The following HMCN2 variants were observed in gnomAD, a reference collection of about 807,000 sequenced individuals.
HMCN2 encodes hemicentin 2.
Under a neutral mutation model 377.5 loss-of-function variants are expected in HMCN2, and 325 were observed. The ratio of observed to expected loss-of-function variants is 0.86; its 90% CI spans 0.79 to 0.94. The LOEUF (loss-of-function observed/expected upper bound fraction) is 0.94. HMCN2 is among the 40% of genes least tolerant of loss of function. The pLI, the probability that HMCN2 is intolerant of heterozygous loss-of-function variation, is 0.00. For synonymous variants in HMCN2, 2,007 were observed against 2,046.8 expected, an observed-to-expected ratio of 0.98 and a Z score of 0.53; for missense variants, 4,543 against 4,725.3, an observed-to-expected ratio of 0.96 and a Z score of 1.13.
intron 1 of HMCN2, among the ~76,000 whole-genome samples, chr9:130,277,907 TCACCAC>T (rs1834836173): frequency 4.1e-5 from 1 of 24,268 alleles, no homozygotes; most frequent in Non-Finnish European, 6.8e-5. Context: ...ACCATCATCA[TCACCAC>T]CACCACCATC....
rs1049958965 is a variant in HMCN2, at chr9:130,368,258, C to A, written c.6626-18C>A. The A allele has an allele frequency of 6.1e-6, 6 of 985,402 alleles. No individual in the cohort carries two copies. The highest frequency in any genetic ancestry group is 5.2e-4 in the Middle Eastern group (1 of 1,936). 61.0% of individuals were successfully genotyped at this position (985,402 alleles called of 1,614,324 possible). A position where few individuals can be genotyped will look rare whatever the true frequency, so the allele number is the denominator to read the frequency against. Reference sequence around the variant, plus strand: ...TGCAAATGCCCTGGACCAGGAGTTTCTTTTTTCCTGCACCCAGGTCAACCC... The same window carrying A: ...TGCAAATGCCCTGGACCAGGAGTTTATTTTTTCCTGCACCCAGGTCAACCC... On this transcript the variant is annotated intron_variant, in intron 43 of 97. Coordinates refer to ENST00000683500, the MANE Select transcript of HMCN2 (RefSeq NM_001291815.2).
In HMCN2 at chr9:130,382,795, T is replaced by C. The variant is rs1362549618; in HGVS notation, c.8662T>C (p.Trp2888Arg). ...GGGAAACCCCGTGCCCACCATCTCA[T>C]GGCTCCAGAATGGGCTGCCTTTCTC... ...ALGNPVPTIS[W>R]LQNGLPFSPS... Residue 2888 changes from tryptophan to arginine, a missense_variant, in exon 56 of 98, where the codon TGG (tryptophan) becomes CGG (arginine). This residue lies in a region of HMCN2 where 736 missense variants were observed against 773.2 expected (regional missense o/e 0.95). Transcript: ENST00000683500. 4 of 985,776 alleles carry C rather than the reference T, an allele frequency of 4.1e-6. No homozygotes were observed. Among genetic ancestry groups the C allele is most frequent in the Admixed American group, 6.1e-5 (1 of 16,270 alleles). The allele number at this position is 985,776 out of a possible 1,614,324, so 61.1% of individuals were successfully genotyped here. A position where few individuals can be genotyped will look rare whatever the true frequency, so the allele number is the denominator to read the frequency against.
At chr9:130,329,101 A>G (rs948771950) in intron 22 of HMCN2, among the ~76,000 whole-genome samples, 1 of 152,208 alleles carries the variant, frequency 6.6e-6, no homozygotes, top group Admixed American at 6.5e-5. Context: ...ATTTTAGAAC[A>G]TGTTCATCAC....
rs1009945633 is a variant in HMCN2, at chr9:130,271,871, C to A, written c.259+5734C>A. On this transcript the variant is annotated intron_variant, in intron 1 of 97. Coordinates refer to ENST00000683500, the MANE Select transcript of HMCN2 (RefSeq NM_001291815.2). Reference sequence around the variant, plus strand: ...ATCTATACATAGTTTTATATGTAATCATCCGTGTCTATATTAAGCTAAACA... The same window carrying A: ...ATCTATACATAGTTTTATATGTAATAATCCGTGTCTATATTAAGCTAAACA... Among the ~76,000 whole-genome samples the A allele has an allele frequency of 8.7e-5, 13 of 149,456 alleles. 2 individuals are homozygous for A. Among genetic ancestry groups the A allele is most frequent in the Middle Eastern group, 3.5e-3 (1 of 284 alleles).
intron 1 of HMCN2, among the ~76,000 whole-genome samples, chr9:130,280,139 T>C (rs1296195991): frequency 8.6e-6 from 1 of 116,210 alleles, no homozygotes; most frequent in Non-Finnish European, 1.7e-5. Context: ...TCCATAGCTG[T>C]GTGTGTGTGT....
intron 55 of HMCN2, 31 bp from the exon 56 acceptor site, chr9:130,382,647 CA>C: frequency 1.1e-6 from 1 of 871,118 alleles, no homozygotes; most frequent in Non-Finnish European, 1.4e-6. Context: ...GGACCTGTGC[CA>C]GCCCCTCAGC....
intron 73 of HMCN2, 48 bp downstream of exon 73, chr9:130,396,361 T>C (rs760205299): frequency 8.1e-7 from 1 of 1,233,262 alleles, no homozygotes; most frequent in South Asian, 1.3e-5. Flanking sequence ...AGGTGCCACT[T>C]TGTGGGTTGC....
At chr9:130,405,579 C>T (rs1036554623) in intron 81 of HMCN2, among the ~76,000 whole-genome samples, 5 of 152,168 alleles carry the variant, frequency 3.3e-5, no homozygotes, top group South Asian at 2.1e-4. Context: ...GTGAGCGCAC[C>T]GGCCCTGCTT....
rs1021549313 is a variant in HMCN2 at position 130,428,086 on chromosome 9, C to T, written c.14066-272C>T. 1.3e-5 allele frequency among the ~76,000 whole-genome samples: 2 copies of T among 152,226 alleles called. No homozygotes were observed. Among genetic ancestry groups the T allele is most frequent in the Non-Finnish European group, 2.9e-5 (2 of 68,040 alleles). On this transcript the variant is annotated intron_variant, in intron 92 of 97. Transcript: ENST00000683500. The surrounding 1 kb of genome is among the most constrained non-coding windows in gnomAD (Gnocchi z 5.0). ...AGGGCCTGGTGCTGCCAAGTCTCCG[C>T]TGGGCTCCAAGCCGGGTGCCCAAGG...
rs782141766 is a variant in HMCN2 at position 130,286,286 on chromosome 9, C to T, written c.588C>T (p.His196=). ...CCACCAGCTCTGGGCAGGTGTTCCA[C>T]CTGGACAAGCAGCAAGTGACAGAGG... ...IAATSSGQVF[H]LDKQQVTEVL... The change falls in exon 4 of 98, where the codon CAC becomes CAT. Residue 196 remains histidine, a synonymous_variant. Coordinates refer to ENST00000683500, the MANE Select transcript of HMCN2 (RefSeq NM_001291815.2). 3 of 471,066 alleles carry T rather than the reference C, an allele frequency of 6.4e-6. No homozygotes were observed. The highest frequency in any genetic ancestry group is 4.6e-5 in the South Asian group (3 of 64,562). The allele number at this position is 471,066 out of a possible 1,614,324, so 29.2% of individuals were successfully genotyped here. A position where few individuals can be genotyped will look rare whatever the true frequency, so the allele number is the denominator to read the frequency against.
At chr9:130,343,205 A>C (rs1428644663) in intron 25 of HMCN2, among the ~76,000 whole-genome samples, 1 of 151,980 alleles carries the variant, frequency 6.6e-6, no homozygotes, top group Non-Finnish European at 1.5e-5. Flanking sequence ...CCACTGCCTC[A>C]GTTGCTTCTT....
At chr9:130,372,272 G>T (rs1192223619) in intron 46 of HMCN2, 22 bp from the exon 47 acceptor site, 4 of 947,842 alleles carry the variant, frequency 4.2e-6, no homozygotes, top group Non-Finnish European at 5.0e-6. Flanking sequence ...CATGCTTGGG[G>T]CCCACGCCCC....
rs1837041763 is a variant in HMCN2, at chr9:130,308,743, T to A, written c.2201-1169T>A. 6.6e-6 allele frequency among the ~76,000 whole-genome samples: 1 copy of A among 152,208 alleles called. No homozygotes were observed. Among genetic ancestry groups the A allele is most frequent in the Non-Finnish European group, 1.5e-5 (1 of 68,024 alleles). On this transcript the variant is annotated intron_variant, in intron 14 of 97. Coordinates refer to ENST00000683500, the MANE Select transcript of HMCN2 (RefSeq NM_001291815.2). The surrounding 1 kb of genome is among the most constrained non-coding windows in gnomAD (Gnocchi z 4.1). ...CCCACTTTAAAAGGTGGCCTTGCCA[T>A]GAAATATTCTTCCATCTTCAGAAGG...
intron 93 of HMCN2, chr9:130,429,134 CTTCCTGCCGCCT>C (rs1441262061): frequency 4.7e-5 from 9 of 189,656 alleles, no homozygotes; most frequent in East Asian, 1.6e-4. Context: ...GCCTGCCGCC[CTTCCTGCCGCCT>C]TTCCTCCTTT....
intron 4 of HMCN2, among the ~76,000 whole-genome samples, chr9:130,289,268 G>A (rs1554929126): frequency 6.6e-6 from 1 of 152,172 alleles, no homozygotes; most frequent in Non-Finnish European, 1.5e-5. Context: ...GGCACAAAGG[G>A]TGAATTGCCT....
chr9:130,427,309 G>C lies in HMCN2; in HGVS notation c.13880-4G>C, dbSNP rs895981441. On this transcript the variant is annotated splice_region_variant and splice_polypyrimidine_tract_variant and intron_variant, in intron 90 of 97. Coordinates refer to ENST00000683500, the MANE Select transcript of HMCN2 (RefSeq NM_001291815.2). Reference sequence around the variant, plus strand: ...CCTTAGAGTCTATCCTCTTTGCTTTGCAGAGGAGAACGAGGTCGGCTGCCC... The same window carrying C: ...CCTTAGAGTCTATCCTCTTTGCTTTCCAGAGGAGAACGAGGTCGGCTGCCC... The C allele has an allele frequency of 1.3e-6, 2 of 1,550,388 alleles. No individual in the cohort carries two copies. Among genetic ancestry groups the C allele is most frequent in the Non-Finnish European group, 1.7e-6 (2 of 1,146,976 alleles).
intron 8 of HMCN2, among the ~76,000 whole-genome samples, chr9:130,300,784 C>T (rs1029258882): frequency 2.0e-5 from 3 of 152,172 alleles, no homozygotes; most frequent in Non-Finnish European, 4.4e-5. Context: ...TCCTGTGTGT[C>T]CCTGAGGTCT....
At chr9:130,331,495 C>G (rs1185572642) in intron 22 of HMCN2, among the ~76,000 whole-genome samples, 1 of 152,182 alleles carries the variant, frequency 6.6e-6, no homozygotes, top group Non-Finnish European at 1.5e-5. Context: ...GTTGCAGCCT[C>G]GGAGACAGAA....
At chr9:130,317,255 T>C (rs911685386) in intron 15 of HMCN2, among the ~76,000 whole-genome samples, 137,580 of 152,122 alleles carry the variant, frequency 0.9, 62,381 homozygotes, top group East Asian at 0.97. Context: ...TCTCTCCGAC[T>C]TTTAGTTTCC....
Sources: gnomAD v4.1 joint callset for allele counts (sites outside exome capture counted in the v4.1 genomes callset) on GRCh38, gnomAD v4.1.1 for gene constraint, gnomAD v4.1.1 regional missense constraint, Gnocchi (gnomAD v3.1) non-coding constraint, MANE v1.5 for transcripts, NCBI Gene and HGNC (gene_info 2026-07-23, HGNC 2026-07-21) for gene names.